The following MEOX2 variants were observed in gnomAD, a reference collection of about 807,000 sequenced individuals.
MEOX2 encodes the protein mesenchyme homeobox 2.
MEOX2 carries 11 observed loss-of-function variants against 27.0 expected under a neutral mutation model. That is an observed-to-expected ratio of 0.41 (90% CI 0.26 to 0.68). MEOX2 has a LOEUF of 0.68. Among genes scored for constraint, MEOX2 ranks in the 30% least tolerant of loss-of-function variants. The pLI, the probability that MEOX2 is intolerant of heterozygous loss-of-function variation, is 0.33. For synonymous variants in MEOX2, 189 were observed against 155.4 expected, an observed-to-expected ratio of 1.22 and a Z score of -1.61; for missense variants, 436 against 385.4, an observed-to-expected ratio of 1.13 and a Z score of -1.10.
intron 1 of MEOX2, chr7:15,677,479 C>T (rs1355967555): frequency 3.3e-5 from 5 of 152,198 alleles, no homozygotes; most frequent in Admixed American, 3.3e-4. Flanking sequence ...ATCCACCTAA[C>T]CCTCCGGGGT....
intron 1 of MEOX2, among the ~76,000 whole-genome samples, chr7:15,675,305 G>C (rs1782174820): frequency 6.6e-6 from 1 of 152,118 alleles, no homozygotes; most frequent in African/African-American, 2.4e-5. Flanking sequence ...GTTGATCACT[G>C]TTTACATTCA....
At chr7:15,673,537 C>T in intron 1 of MEOX2, among the ~76,000 whole-genome samples, 1 of 118,302 alleles carries the variant, frequency 8.5e-6, no homozygotes. Context: ...GGTGAATTTA[C>T]AATTACCTCA....
chr7:15,686,166 GTGGTGA>G lies in MEOX2; in HGVS notation c.231_236del (p.His79_His80del). ...GAGCCTGGTGCTGCTGCTGCTGATGGTGGTGATGGTGGTGGTGGTGGTGGTGGTGGT... is the reference window on the plus strand; with the variant it reads ...GAGCCTGGTGCTGCTGCTGCTGATGGTGGTGGTGGTGGTGGTGGTGGTGGT... On this transcript the variant is annotated inframe_deletion, in exon 1 of 3. Transcript: ENST00000262041. 2.6e-6 allele frequency: 4 copies of G among 1,536,344 alleles called. No individual in the cohort carries two copies. Among genetic ancestry groups the G allele is most frequent in the Non-Finnish European group, 3.5e-6 (4 of 1,149,838 alleles).
At chr7:15,679,917 C>A (rs928983468) in intron 1 of MEOX2, 1 of 151,762 alleles carries the variant, frequency 6.6e-6, no homozygotes, top group African/African-American at 2.4e-5. Context: ...AAATTATTTT[C>A]ATAACACTGT....
intron 1 of MEOX2, among the ~76,000 whole-genome samples, chr7:15,649,029 G>A (rs960145386): frequency 6.6e-6 from 1 of 152,022 alleles, no homozygotes; most frequent in Non-Finnish European, 1.5e-5. Flanking sequence ...ACAACTCCCT[G>A]AGTAACAAAG....
In MEOX2 at chr7:15,636,051, T is replaced by A. The variant is rs183627602; in HGVS notation, c.518-9133A>T. 6.6e-5 allele frequency among the ~76,000 whole-genome samples: 10 copies of A among 152,118 alleles called. No individual in the cohort carries two copies. The East Asian group carries it at 1.5e-3, about 24-fold the overall frequency. On this transcript the variant is annotated intron_variant, in intron 1 of 2. Transcript: ENST00000262041. ...CTCTTTTAGAGTCCTGTCAAACAGGTACATAAATGTAGGAAGATAGGAGTC... is the reference window on the plus strand; with the variant it reads ...CTCTTTTAGAGTCCTGTCAAACAGGAACATAAATGTAGGAAGATAGGAGTC...
intron 1 of MEOX2, among the ~76,000 whole-genome samples, chr7:15,676,462 C>T (rs888318159): frequency 6.6e-6 from 1 of 152,164 alleles, no homozygotes; most frequent in African/African-American, 2.4e-5. Context: ...TCCCACCCTC[C>T]TAGTTAACAG....
At chr7:15,633,245 C>G (rs769199456) in intron 1 of MEOX2, among the ~76,000 whole-genome samples, 2 of 151,888 alleles carry the variant, frequency 1.3e-5, no homozygotes, top group African/African-American at 4.8e-5. Context: ...AAGCAATAGG[C>G]AAGATAGTGA....
At chr7:15,640,956 A>G (rs1322012599) in intron 1 of MEOX2, among the ~76,000 whole-genome samples, 2 of 152,026 alleles carry the variant, frequency 1.3e-5, no homozygotes, top group Admixed American at 6.6e-5. Flanking sequence ...TTTTGCATCT[A>G]TGTTCATCAG....
chr7:15,627,707 T>G (rs1781335592), intron 1 of MEOX2, among the ~76,000 whole-genome samples: 1 of 151,930 alleles, frequency 6.6e-6, no homozygotes, highest in Non-Finnish European at 1.5e-5. Flanking sequence ...GTTCAATACA[T>G]AACTAACGTA....
intron 1 of MEOX2, among the ~76,000 whole-genome samples, chr7:15,660,023 C>T (rs1346820040): frequency 6.6e-6 from 1 of 152,046 alleles, no homozygotes; most frequent in Non-Finnish European, 1.5e-5. Context: ...AAAGCATGTG[C>T]AATGATCTAT....
rs1202726036 is a variant in MEOX2, at chr7:15,613,841, T to C, written c.691-1230A>G. ...TTCTGTTCTACCATCCATGGATATTTGAATTCTTTTTTTTCTATATGTAAT... is the reference window on the plus strand; with the variant it reads ...TTCTGTTCTACCATCCATGGATATTCGAATTCTTTTTTTTCTATATGTAAT... On this transcript the variant is annotated intron_variant, in intron 2 of 2. Coordinates refer to ENST00000262041, the MANE Select transcript of MEOX2 (RefSeq NM_005924.5). Among the ~76,000 whole-genome samples the C allele has an allele frequency of 2.6e-5, 4 of 152,162 alleles. No individual in the cohort carries two copies. The East Asian group carries it at 7.7e-4, about 29-fold the overall frequency.
intron 1 of MEOX2, among the ~76,000 whole-genome samples, chr7:15,644,182 A>T (rs926009576): frequency 6.6e-6 from 1 of 152,016 alleles, no homozygotes; most frequent in Admixed American, 6.5e-5. Context: ...GAGCACTCAG[A>T]GTCACATTTT....
chr7:15,659,050 A>G (rs1282945240), intron 1 of MEOX2, among the ~76,000 whole-genome samples: 1 of 152,140 alleles, frequency 6.6e-6, no homozygotes, highest in Non-Finnish European at 1.5e-5. Context: ...CCCAGGGTGG[A>G]GTGCAGTGGC....
chr7:15,632,964 TAAAGG>T, intron 1 of MEOX2, among the ~76,000 whole-genome samples: 1 of 152,102 alleles, frequency 6.6e-6, no homozygotes, highest in Non-Finnish European at 1.5e-5. Flanking sequence ...ACAGTGGGAC[TAAAGG>T]CCCTAATTAA....
intron 1 of MEOX2, among the ~76,000 whole-genome samples, chr7:15,635,486 T>C (rs759322270): frequency 3.9e-5 from 6 of 152,154 alleles, no homozygotes; most frequent in Non-Finnish European, 5.9e-5. Context: ...CCTGTGCTCA[T>C]CTTTAACACA....
chr7:15,679,754 A>T (rs1782262805), intron 1 of MEOX2: 1 of 152,032 alleles, frequency 6.6e-6, no homozygotes. Context: ...GATCCAGTTT[A>T]TTAATTTCTA....
At chr7:15,650,443 A>G (rs950487814) in intron 1 of MEOX2, among the ~76,000 whole-genome samples, 8 of 151,888 alleles carry the variant, frequency 5.3e-5, no homozygotes, top group Non-Finnish European at 1.0e-4. Flanking sequence ...GTACCTTTCA[A>G]TTTGCTTTTA....
At chr7:15,652,805 C>T (rs1479417949) in intron 1 of MEOX2, among the ~76,000 whole-genome samples, 2 of 151,986 alleles carry the variant, frequency 1.3e-5, no homozygotes, top group Non-Finnish European at 2.9e-5. Flanking sequence ...AATACATCAA[C>T]AGCTCCCTCC....
Sources: gnomAD v4.1 joint callset for allele counts (sites outside exome capture counted in the v4.1 genomes callset) on GRCh38, gnomAD v4.1.1 for gene constraint, MANE v1.5 for transcripts, NCBI Gene and HGNC (gene_info 2026-07-23, HGNC 2026-07-21) for gene names.